The following DLGAP2 variants were observed in gnomAD, a reference collection of about 807,000 sequenced individuals.
The protein encoded by DLGAP2 is DLG associated protein 2, also known as disks large-associated protein 2.
DLGAP2 carries 26 observed loss-of-function variants against 100.3 expected under a neutral mutation model. The ratio of observed to expected loss-of-function variants is 0.26; its 90% CI spans 0.19 to 0.36. The LOEUF (loss-of-function observed/expected upper bound fraction) is 0.36, where lower values mean the gene tolerates loss of function less well. Ranked by LOEUF, DLGAP2 falls within the 10% of genes least tolerant of loss-of-function variation. The pLI, the probability that DLGAP2 is intolerant of heterozygous loss-of-function variation, is 1.00. For missense variants in DLGAP2, 1,858 were observed against 1,453.2 expected (o/e 1.28, Z -4.53); for synonymous variants, 886 against 630.1 (o/e 1.41, Z -6.08).
At chr8:1,675,163 C>T (rs1337769985) in intron 10 of DLGAP2, among the ~76,000 whole-genome samples, 1 of 152,252 alleles carries the variant, frequency 6.6e-6, no homozygotes, top group Non-Finnish European at 1.5e-5. Flanking sequence ...TTCAGAATTA[C>T]ACCCGGTGAA....
At chr8:1,273,512 G>T (rs1261463494) in intron 3 of DLGAP2, among the ~76,000 whole-genome samples, 1 of 152,206 alleles carries the variant, frequency 6.6e-6, no homozygotes, top group Non-Finnish European at 1.5e-5. Flanking sequence ...AGCTGCGGCA[G>T]TTCACGTGCT....
chr8:1,037,879 A>G (rs532823420), intron 2 of DLGAP2, among the ~76,000 whole-genome samples: 113 of 152,270 alleles, frequency 7.4e-4, no homozygotes, highest in Admixed American at 1.7e-3. Flanking sequence ...CACAATTCTG[A>G]TCCAGCAGGC....
chr8:1,660,170 C>G (rs1405018353), intron 8 of DLGAP2, among the ~76,000 whole-genome samples: 1 of 152,142 alleles, frequency 6.6e-6, no homozygotes, highest in Admixed American at 6.5e-5. Context: ...AATATTGGCC[C>G]CCACTCTCTT....
intron 2 of DLGAP2, among the ~76,000 whole-genome samples, chr8:1,072,753 T>G (rs1803473649): frequency 6.6e-6 from 1 of 152,180 alleles, no homozygotes; most frequent in African/African-American, 2.4e-5. Context: ...AGGTTCTGTT[T>G]AGGGTGGAGA....
At chr8:1,338,626 A>G (rs1287760951) in intron 3 of DLGAP2, among the ~76,000 whole-genome samples, 1 of 152,276 alleles carries the variant, frequency 6.6e-6, no homozygotes, top group Non-Finnish European at 1.5e-5. Context: ...TAAATTTTAT[A>G]TCTTAATTAT....
chr8:761,011 G>A (rs1324426510), intron 1 of DLGAP2, among the ~76,000 whole-genome samples: 1 of 152,218 alleles, frequency 6.6e-6, no homozygotes, highest in Non-Finnish European at 1.5e-5. Context: ...GGACATATGA[G>A]GACTGGCAGC....
At chr8:772,196 C>G (rs748491140) in intron 1 of DLGAP2, among the ~76,000 whole-genome samples, 1 of 152,114 alleles carries the variant, frequency 6.6e-6, no homozygotes, top group South Asian at 2.1e-4. Flanking sequence ...CCACTGTGCC[C>G]AGCCTCATCT....
chr8:813,463 C>T (rs370276155), intron 1 of DLGAP2, among the ~76,000 whole-genome samples: 61 of 152,242 alleles, frequency 4.0e-4, no homozygotes, highest in Middle Eastern at 3.4e-3. Context: ...AAAAAGATGC[C>T]TCATGTGAAA....
chr8:1,660,536 G>A (rs1283171172), intron 8 of DLGAP2, among the ~76,000 whole-genome samples: 1 of 152,166 alleles, frequency 6.6e-6, no homozygotes, highest in African/African-American at 2.4e-5. Context: ...ATGTAAAAAT[G>A]CGTCTGGTAT....
intron 3 of DLGAP2, among the ~76,000 whole-genome samples, chr8:1,345,082 A>G (rs569375378): frequency 6.8e-4 from 103 of 152,360 alleles, no homozygotes; most frequent in African/African-American, 2.0e-3. Flanking sequence ...TGCAAAGTTC[A>G]TGACTCGGGA....
chr8:1,041,413 G>A (rs1465077490), intron 2 of DLGAP2, among the ~76,000 whole-genome samples: 1 of 152,236 alleles, frequency 6.6e-6, no homozygotes, highest in African/African-American at 2.4e-5. Flanking sequence ...CTCGGGAGGA[G>A]ACAGAGCCTG....
intron 6 of DLGAP2, among the ~76,000 whole-genome samples, chr8:1,594,579 G>T (rs1275719127): frequency 6.6e-6 from 1 of 151,952 alleles, no homozygotes; most frequent in African/African-American, 2.4e-5. Flanking sequence ...AGTGAAGAAA[G>T]CTTACAGAAC....
At chr8:829,893 G>A (rs1186207916) in intron 1 of DLGAP2, among the ~76,000 whole-genome samples, 7 of 152,058 alleles carry the variant, frequency 4.6e-5, no homozygotes, top group Admixed American at 3.3e-4. Flanking sequence ...CATTACATGC[G>A]CACACCTCAG....
chr8:1,142,406 C>T (rs1292004167), intron 2 of DLGAP2, among the ~76,000 whole-genome samples: 3 of 152,230 alleles, frequency 2.0e-5, no homozygotes, highest in African/African-American at 7.2e-5. Context: ...TAGAGATTTG[C>T]AAGAAAGAAG....
chr8:810,001 C>T (rs117038637), intron 1 of DLGAP2, among the ~76,000 whole-genome samples: 2,132 of 152,334 alleles, frequency 0.014, 21 homozygotes, highest in Non-Finnish European at 0.024. Context: ...ACTAACTCTG[C>T]ACCTGACAAT....
chr8:815,376 C>T (rs1392705003), intron 1 of DLGAP2, among the ~76,000 whole-genome samples: 1 of 152,124 alleles, frequency 6.6e-6, no homozygotes, highest in Non-Finnish European at 1.5e-5. Flanking sequence ...GAGGCTTTGC[C>T]CTCATGACTT....
intron 1 of DLGAP2, among the ~76,000 whole-genome samples, chr8:792,025 AC>A: frequency 6.6e-6 from 1 of 152,332 alleles, no homozygotes; most frequent in Non-Finnish European, 1.5e-5. Context: ...TGCTGGATGT[AC>A]CTGTACGATG....
intron 8 of DLGAP2, among the ~76,000 whole-genome samples, chr8:1,655,453 G>T (rs917902622): frequency 2.0e-5 from 3 of 152,170 alleles, no homozygotes; most frequent in Non-Finnish European, 4.4e-5. Flanking sequence ...GGCAATGCTT[G>T]CCATTCAAGG....
At chr8:1,508,125 A>C (rs529007686) in intron 4 of DLGAP2, among the ~76,000 whole-genome samples, 102 of 152,000 alleles carry the variant, frequency 6.7e-4, no homozygotes, top group African/African-American at 2.4e-3. Context: ...AGATACCTTT[A>C]AAGTTAGACA....
Sources: allele counts gnomAD v4.1 joint callset (sites outside exome capture counted in the v4.1 genomes callset), GRCh38; gene constraint gnomAD v4.1.1; transcripts MANE v1.5; gene names NCBI Gene and HGNC (gene_info 2026-07-23, HGNC 2026-07-21).